EPS15: variants seen among roughly 807,000 people sequenced by gnomAD.
EPS15 encodes epidermal growth factor receptor pathway substrate 15.
EPS15 carries 72 observed loss-of-function variants against 113.8 expected under a neutral mutation model. The ratio of observed to expected loss-of-function variants is 0.63; its 90% CI spans 0.52 to 0.77. EPS15 has a LOEUF of 0.77. Ranked by LOEUF, EPS15 falls within the 30% of genes least tolerant of loss-of-function variation. The pLI is 0.00. For synonymous variants in EPS15, 344 were observed against 363.4 expected (o/e 0.95, Z 0.61); for missense variants, 1,048 against 1,045.8 (o/e 1.00, Z -0.03).
At chr1:51,428,097 G>A (rs1225762299) in intron 12 of EPS15, among the ~76,000 whole-genome samples, 1 of 151,284 alleles carries the variant, frequency 6.6e-6, no homozygotes, top group Non-Finnish European at 1.5e-5. Context: ...TTAAAGTGCT[G>A]GAAGGAAAAA....
intron 1 of EPS15, among the ~76,000 whole-genome samples, chr1:51,499,757 T>G (rs1306602483): frequency 6.6e-6 from 1 of 152,226 alleles, no homozygotes; most frequent in African/African-American, 2.4e-5. Context: ...GAGAAATCTC[T>G]ATTCAAGTCC....
At chr1:51,383,415 G>C (rs992805644) in intron 21 of EPS15, among the ~76,000 whole-genome samples, 3 of 152,172 alleles carry the variant, frequency 2.0e-5, no homozygotes, top group Non-Finnish European at 2.9e-5. Flanking sequence ...TTTTGTGGAA[G>C]ACAATTTTTT....
At chr1:51,463,316 C>T (rs142536792) in intron 7 of EPS15, 203 of 159,836 alleles carry the variant, frequency 1.3e-3, no homozygotes, top group African/African-American at 4.7e-3. Flanking sequence ...TTCCTTACAA[C>T]AAGACACCAT....
intron 9 of EPS15, 31 bp downstream of exon 9, chr1:51,448,015 G>A (rs1328345875): frequency 3.1e-6 from 5 of 1,606,368 alleles, no homozygotes; most frequent in Admixed American, 1.7e-5. Flanking sequence ...GCTGAAGAGG[G>A]GATCAACCGC....
intron 3 of EPS15, 39 bp from the exon 4 acceptor site, chr1:51,471,776 A>C (rs1398815868): frequency 1.4e-6 from 2 of 1,391,008 alleles, no homozygotes; most frequent in East Asian, 4.6e-5. Flanking sequence ...GTATATTTTA[A>C]ACAAAAGTCA....
rs543787529 is a variant in EPS15, at chr1:51,384,896, G to T, written c.2119+9485C>A. Among the ~76,000 whole-genome samples the T allele has an allele frequency of 1.1e-3, 175 of 152,308 alleles. 1 individual carries two copies. In the South Asian group the frequency reaches 0.035, roughly 30 times the overall value. On this transcript the variant is annotated intron_variant, in intron 21 of 24. Transcript: ENST00000371733. ...TGATGGGAAAACTGAATATCCACAT[G>T]CAAATGAATGAAGTTGGACTCTTAC...
rs1330413915 is a variant in EPS15, at chr1:51,452,155, G to A, written c.562-4020C>T. Among the ~76,000 whole-genome samples, 4 of 151,802 alleles carry A rather than the reference G, an allele frequency of 2.6e-5. 1 individual carries two copies. Among genetic ancestry groups the A allele is most frequent in the Admixed American group, 2.6e-4 (4 of 15,244 alleles). The stretch of plus-strand genomic sequence containing the variant: ...CCACCCCAGCCTCCCAAAATGCTGG[G>A]ATTACAGGTGTGAGCCACTGAGCCC... On this transcript the variant is annotated intron_variant, in intron 8 of 24. Coordinates refer to ENST00000371733, the MANE Select transcript of EPS15 (RefSeq NM_001981.3).
At chr1:51,366,352 G>A (rs546761988) in intron 21 of EPS15, among the ~76,000 whole-genome samples, 2 of 152,290 alleles carry the variant, frequency 1.3e-5, no homozygotes, top group Non-Finnish European at 2.9e-5. Context: ...ATAGGCATGA[G>A]CCACCAAACC....
At chr1:51,359,663 CAGG>C (rs986111843) in intron 24 of EPS15, among the ~76,000 whole-genome samples, 1 of 150,522 alleles carries the variant, frequency 6.6e-6, no homozygotes, top group African/African-American at 2.4e-5. Flanking sequence ...GAGGCTGAGG[CAGG>C]AGAATTGCTT....
chr1:51,460,959 G>GAAA, intron 8 of EPS15, 132 bp downstream of exon 8: 24 of 475,334 alleles, frequency 5.0e-5, no homozygotes, highest in East Asian at 1.2e-4. Flanking sequence ...GTCTCAAAAA[G>GAAA]AAAAAAAAAA....
At chr1:51,406,443 C>T (rs940140224) in intron 15 of EPS15, among the ~76,000 whole-genome samples, 9 of 151,982 alleles carry the variant, frequency 5.9e-5, no homozygotes, top group African/African-American at 2.2e-4. Context: ...CCACTGCACT[C>T]GAGTGACAGA....
At chr1:51,399,241 T>G in intron 19 of EPS15, 76 bp from the exon 20 acceptor site, 1 of 1,390,528 alleles carries the variant, frequency 7.2e-7, no homozygotes, top group East Asian at 2.3e-5. Flanking sequence ...GAAGGTATGA[T>G]CAGTGCCTTA....
chr1:51,484,953 C>A (rs1320591462), intron 1 of EPS15, among the ~76,000 whole-genome samples: 3 of 152,030 alleles, frequency 2.0e-5, no homozygotes, highest in African/African-American at 4.8e-5. Flanking sequence ...TACAAGTCTA[C>A]AACTGTTTAT....
At chr1:51,496,959 G>A (rs1470726175) in intron 1 of EPS15, among the ~76,000 whole-genome samples, 3 of 152,112 alleles carry the variant, frequency 2.0e-5, no homozygotes, top group Admixed American at 6.5e-5. Flanking sequence ...CCTGTACCCT[G>A]AATGGTGCTT....
chr1:51,431,491 GC>G (rs1457452013), intron 12 of EPS15, among the ~76,000 whole-genome samples: 7 of 151,732 alleles, frequency 4.6e-5, no homozygotes, highest in African/African-American at 9.7e-5. Context: ...TGTCACCCAG[GC>G]GAGAATGCAG....
intron 21 of EPS15, among the ~76,000 whole-genome samples, chr1:51,381,422 G>A (rs1343482588): frequency 2.0e-5 from 3 of 151,948 alleles, no homozygotes; most frequent in African/African-American, 7.3e-5. Context: ...GTGAAACCCC[G>A]TCTCTACTAA....
chr1:51,424,950 A>C (rs562181003), intron 12 of EPS15, among the ~76,000 whole-genome samples: 8 of 152,250 alleles, frequency 5.3e-5, no homozygotes, highest in African/African-American at 1.4e-4. Flanking sequence ...CATTTTGCCC[A>C]AACCACCACT....
At chr1:51,378,330 G>A (rs925671478) in intron 21 of EPS15, among the ~76,000 whole-genome samples, 6 of 151,784 alleles carry the variant, frequency 4.0e-5, no homozygotes, top group Admixed American at 1.3e-4. Context: ...TTCTTTTATT[G>A]CAATATTTGC....
At chr1:51,388,924 T>C (rs1159723999) in intron 21 of EPS15, among the ~76,000 whole-genome samples, 1 of 152,140 alleles carries the variant, frequency 6.6e-6, no homozygotes, top group Non-Finnish European at 1.5e-5. Context: ...TCTGAAACTA[T>C]TCCAATCAAC....
Sources: allele counts gnomAD v4.1 joint callset (sites outside exome capture counted in the v4.1 genomes callset), GRCh38; gene constraint gnomAD v4.1.1; transcripts MANE v1.5; gene names NCBI Gene and HGNC (gene_info 2026-07-23, HGNC 2026-07-21).